Variants in PLPPR2 observed in about 807,000 individuals in gnomAD.
PLPPR2 encodes the protein phospholipid phosphatase related 2.
In PLPPR2, 11 loss-of-function variants were observed where a neutral mutation model predicts 40.3. That is an observed-to-expected ratio of 0.27 (90% CI 0.17 to 0.45). PLPPR2 has a LOEUF of 0.45. Among genes scored for constraint, PLPPR2 ranks in the 20% least tolerant of loss-of-function variants. The pLI is 1.00. For synonymous variants in PLPPR2, 260 were observed against 290.8 expected (o/e 0.89, Z 1.08); for missense variants, 497 against 640.7 (o/e 0.78, Z 2.42).
At chr19:11,358,353 G>A (rs935664634) in intron 3 of PLPPR2, among the ~76,000 whole-genome samples, 1 of 151,872 alleles carries the variant, frequency 6.6e-6, no homozygotes, top group African/African-American at 2.4e-5. Flanking sequence ...ACCACGCCCG[G>A]CCTCCTAGGG....
chr19:11,359,598 C>T lies in PLPPR2; in HGVS notation c.133C>T (p.His45Tyr). Residue 45 changes from histidine (H) to tyrosine (Y), a missense_variant, in exon 4 of 10, where the codon CAC (histidine) becomes TAC (tyrosine). Coordinates refer to ENST00000688289, the MANE Select transcript of PLPPR2 (RefSeq NM_001393892.1). This position sits in a 1 kb window ranked among gnomAD's most constrained non-coding sequence, Gnocchi z 5.6. ...RLEFTDTFPVHTQGFFCYDST... is the reference protein window; with the variant it reads ...RLEFTDTFPVYTQGFFCYDST... The stretch of plus-strand genomic sequence containing the variant: ...GGAGTTCACGGACACCTTCCCTGTG[C>T]ACACCCAGGGATTCTTCTGCTATGA... 1 of 1,610,866 alleles carries T rather than the reference C, an allele frequency of 6.2e-7. No homozygotes were observed. Among genetic ancestry groups the T allele is most frequent in the East Asian group, 2.2e-5 (1 of 44,794 alleles).
At chr19:11,358,064 C>A (rs149018993) in intron 3 of PLPPR2, among the ~76,000 whole-genome samples, 1 of 150,132 alleles carries the variant, frequency 6.7e-6, no homozygotes, top group African/African-American at 2.5e-5. Flanking sequence ...TGTGTGTGTA[C>A]GTGTGTTTGA....
rs1967975057 is a variant in PLPPR2 at position 11,359,150 on chromosome 19, A to G, written c.67-382A>G. On this transcript the variant is annotated intron_variant, in intron 3 of 9. Coordinates refer to ENST00000688289, the MANE Select transcript of PLPPR2 (RefSeq NM_001393892.1). This position sits in a 1 kb window ranked among gnomAD's most constrained non-coding sequence, Gnocchi z 5.6. The stretch of plus-strand genomic sequence containing the variant: ...CAGCCTTAATCCTCTGGGTGAAGCA[A>G]TCTTCCTTCCTCAGCCTCCCAAGTA... 6.6e-6 allele frequency among the ~76,000 whole-genome samples: 1 copy of G among 151,646 alleles called. No individual in the cohort carries two copies. Among genetic ancestry groups the G allele is most frequent in the South Asian group, 2.1e-4 (1 of 4,802 alleles).
chr19:11,364,648 C>A lies in PLPPR2; in HGVS notation c.1317C>A (p.Asn439Lys). The A allele has an allele frequency of 6.5e-7, 1 of 1,537,230 alleles. No homozygotes were observed. The highest frequency in any genetic ancestry group is 1.2e-5 in the South Asian group (1 of 84,062). Residue 439 changes from asparagine to lysine, a missense_variant, in exon 10 of 10, where the codon AAC becomes AAA. Asn to Lys is a moderately conservative substitution (Grantham distance 94). Coordinates refer to ENST00000688289, the MANE Select transcript of PLPPR2 (RefSeq NM_001393892.1). The surrounding 1 kb of genome is among the most constrained non-coding windows in gnomAD (Gnocchi z 5.8). ...ATCCCTCCCCCTTCCACCGGGACAACTTCAGCCCTTACCTGTTTGCCAGCC... is the reference window on the plus strand; with the variant it reads ...ATCCCTCCCCCTTCCACCGGGACAAATTCAGCCCTTACCTGTTTGCCAGCC... ...GLYPSPFHRDNFSPYLFASRD... is the reference protein window; with the variant it reads ...GLYPSPFHRDKFSPYLFASRD...
chr19:11,364,011 C>A lies in PLPPR2; in HGVS notation c.964-150C>A. On this transcript the variant is annotated intron_variant, in intron 8 of 9. Transcript: ENST00000688289. The surrounding 1 kb of genome is among the most constrained non-coding windows in gnomAD (Gnocchi z 5.8). Reference sequence around the variant, plus strand: ...GACAGCCCCAAAGAATGAAAGGGAGCACCCCCGTCTTCTTCCCAGGGGGAC... The same window carrying A: ...GACAGCCCCAAAGAATGAAAGGGAGAACCCCCGTCTTCTTCCCAGGGGGAC... 7.5e-7 allele frequency: 1 copy of A among 1,326,380 alleles called. No individual in the cohort carries two copies. Among genetic ancestry groups the A allele is most frequent in the Non-Finnish European group, 1.0e-6 (1 of 968,030 alleles). The allele number at this position is 1,326,380 out of a possible 1,614,324, so 82.2% of individuals were successfully genotyped here.
rs1039732838 is a variant in PLPPR2, at chr19:11,355,450, G to C, written c.-312G>C. On this transcript the variant is annotated 5_prime_UTR_variant, in exon 1 of 10. Transcript: ENST00000688289. The stretch of plus-strand genomic sequence containing the variant: ...CCTCGGAGTCTGCGCGGCGCGGCCA[G>C]GCCCGGCCGACCGCGTCTCGGTCTT... 2.0e-5 allele frequency: 3 copies of C among 152,470 alleles called. No homozygotes were observed. The highest frequency in any genetic ancestry group is 4.4e-5 in the Non-Finnish European group (3 of 68,102). 9.4% of individuals were successfully genotyped at this position (152,470 alleles called of 1,614,324 possible). A position where few individuals can be genotyped will look rare whatever the true frequency, so the allele number is the denominator to read the frequency against.
chr19:11,365,644 A>G lies in PLPPR2; in HGVS notation c.*954A>G, dbSNP rs1225666557. On this transcript the variant is annotated 3_prime_UTR_variant, in exon 10 of 10. Transcript: ENST00000688289. Reference sequence around the variant, plus strand: ...TGCCCCCCTTTCCTGCCCCCTCCTCATCTTTAATAAAGACCTGGCTTCTCA... The same window carrying G: ...TGCCCCCCTTTCCTGCCCCCTCCTCGTCTTTAATAAAGACCTGGCTTCTCA... 1 of 152,150 alleles carries G rather than the reference A, an allele frequency of 6.6e-6. No homozygotes were observed. Among genetic ancestry groups the G allele is most frequent in the East Asian group, 1.9e-4 (1 of 5,170 alleles). 9.4% of individuals were successfully genotyped at this position (152,150 alleles called of 1,614,324 possible).
Position 11,358,665 on chromosome 19 carries a change from CTGTTT to C in PLPPR2, c.67-865_67-861del, listed in dbSNP as rs1967959770. ...CTCCTTTCCTGGCTTTCCTCTCTCT[CTGTTT>C]TTTTTTTTTCACTTCTTCCTTTTCT... On this transcript the variant is annotated intron_variant, in intron 3 of 9. Transcript: ENST00000688289. Among the ~76,000 whole-genome samples the C allele has an allele frequency of 4.2e-5, 6 of 142,948 alleles. No homozygotes were observed. In the East Asian group the frequency reaches 1.3e-3, roughly 31 times the overall value. 93.8% of individuals were successfully genotyped at this position (142,948 alleles called of 152,430 possible). A position where few individuals can be genotyped will look rare whatever the true frequency, so the allele number is the denominator to read the frequency against.
intron 3 of PLPPR2, 47 bp downstream of exon 3, chr19:11,357,786 C>G (rs1967930960): frequency 6.7e-7 from 1 of 1,485,504 alleles, no homozygotes; most frequent in Non-Finnish European, 9.2e-7. Context: ...CTATCTCTGT[C>G]TCTGTCCAAC....
chr19:11,361,856 G>A lies in PLPPR2; in HGVS notation c.663+368G>A, dbSNP rs1416129097. ...ATGCTACAGGCGCTAGATATTAGCT[G>A]GCAGACTGGGCAGATGGGACGGCCC... is the stretch of plus-strand genomic sequence containing the variant. On this transcript the variant is annotated intron_variant, in intron 6 of 9. Transcript: ENST00000688289. This position sits in a 1 kb window ranked among gnomAD's most constrained non-coding sequence, Gnocchi z 6.3. 6.6e-6 allele frequency among the ~76,000 whole-genome samples: 1 copy of A among 151,956 alleles called. No homozygotes were observed. Among genetic ancestry groups the A allele is most frequent in the Non-Finnish European group, 1.5e-5 (1 of 68,010 alleles).
chr19:11,360,490 G>T (rs922654753), intron 5 of PLPPR2, among the ~76,000 whole-genome samples: 4 of 152,032 alleles, frequency 2.6e-5, no homozygotes, highest in African/African-American at 9.7e-5. Context: ...CCATGATGGG[G>T]ATGTTAGGAA....
Position 11,361,686 on chromosome 19 carries a change from G to A in PLPPR2, c.663+198G>A, listed in dbSNP as rs1193670845. Reference sequence around the variant, plus strand: ...GCCACGCCCCCAGTCAGAGGCTATCGCTGTCCATTGACTCCGCCCCTTGCC... The same window carrying A: ...GCCACGCCCCCAGTCAGAGGCTATCACTGTCCATTGACTCCGCCCCTTGCC... On this transcript the variant is annotated intron_variant, in intron 6 of 9. Coordinates refer to ENST00000688289, the MANE Select transcript of PLPPR2 (RefSeq NM_001393892.1). The surrounding 1 kb of genome is among the most constrained non-coding windows in gnomAD (Gnocchi z 6.3). Among the ~76,000 whole-genome samples, 2 of 151,930 alleles carry A rather than the reference G, an allele frequency of 1.3e-5. No individual in the cohort carries two copies. The highest frequency in any genetic ancestry group is 2.9e-5 in the Non-Finnish European group (2 of 67,936).
Position 11,359,772 on chromosome 19 carries a change from A to G in PLPPR2, c.256-49A>G, listed in dbSNP as rs766939262. 1 of 1,584,736 alleles carries G rather than the reference A, an allele frequency of 6.3e-7. No homozygotes were observed. The highest frequency in any genetic ancestry group is 1.1e-5 in the South Asian group (1 of 87,702). ...GCAGGTGGGCCGGTAAGGGTGGGTG[A>G]GGGGATGGGCTGGAAGGCCAGAAGA... On this transcript the variant is annotated intron_variant, in intron 4 of 9. Coordinates refer to ENST00000688289, the MANE Select transcript of PLPPR2 (RefSeq NM_001393892.1). The surrounding 1 kb of genome is among the most constrained non-coding windows in gnomAD (Gnocchi z 5.6).
At position 11,359,404 on chromosome 19, in the gene PLPPR2, C is replaced by T. The variant is rs1333865142; in HGVS notation, c.67-128C>T. 3.7e-6 allele frequency: 3 copies of T among 812,004 alleles called. No homozygotes were observed. The highest frequency in any genetic ancestry group is 5.4e-6 in the Non-Finnish European group (3 of 557,570). The allele number at this position is 812,004 out of a possible 1,614,324, so 50.3% of individuals were successfully genotyped here. A position where few individuals can be genotyped will look rare whatever the true frequency, so the allele number is the denominator to read the frequency against. On this transcript the variant is annotated intron_variant, in intron 3 of 9. Coordinates refer to ENST00000688289, the MANE Select transcript of PLPPR2 (RefSeq NM_001393892.1). This position sits in a 1 kb window ranked among gnomAD's most constrained non-coding sequence, Gnocchi z 5.6. ...CTCTCCCCCTTGTCTCTGTCTCTCT[C>T]CATCTTCTAGTTTCTGTCTCTAACC...
chr19:11,362,319 A>G lies in PLPPR2; in HGVS notation c.664-194A>G. Reference sequence around the variant, plus strand: ...CGAGACTCCAAGACCTCAATCCCTGACCCCCCCCCCTTTGCCTTTTTGGTC... The same window carrying G: ...CGAGACTCCAAGACCTCAATCCCTGGCCCCCCCCCCTTTGCCTTTTTGGTC... On this transcript the variant is annotated intron_variant, in intron 6 of 9. Coordinates refer to ENST00000688289, the MANE Select transcript of PLPPR2 (RefSeq NM_001393892.1). This position sits in a 1 kb window ranked among gnomAD's most constrained non-coding sequence, Gnocchi z 5.3. 1.4e-5 allele frequency: 5 copies of G among 345,472 alleles called. No homozygotes were observed. The highest frequency in any genetic ancestry group is 4.5e-5 in the Admixed American group (1 of 22,012). 21.4% of individuals were successfully genotyped at this position (345,472 alleles called of 1,614,324 possible).
rs1968108145 is a variant in PLPPR2 at position 11,363,567 on chromosome 19, A to G, written c.841-146A>G. On this transcript the variant is annotated intron_variant, in intron 7 of 9. Coordinates refer to ENST00000688289, the MANE Select transcript of PLPPR2 (RefSeq NM_001393892.1). The surrounding 1 kb of genome is among the most constrained non-coding windows in gnomAD (Gnocchi z 4.8). The stretch of plus-strand genomic sequence containing the variant: ...ATTGCACCTACCTCAGTAAAATGGA[A>G]CCAACAGTGCCTGGCACATACTATG... 1 of 903,796 alleles carries G rather than the reference A, an allele frequency of 1.1e-6. No homozygotes were observed. 56.0% of individuals were successfully genotyped at this position (903,796 alleles called of 1,614,324 possible).
Position 11,361,510 on chromosome 19 carries a change from G to C in PLPPR2, c.663+22G>C. 6.3e-7 allele frequency: 1 copy of C among 1,577,610 alleles called. No individual in the cohort carries two copies. The highest frequency in any genetic ancestry group is 8.6e-7 in the Non-Finnish European group (1 of 1,165,424). On this transcript the variant is annotated intron_variant, in intron 6 of 9. Coordinates refer to ENST00000688289, the MANE Select transcript of PLPPR2 (RefSeq NM_001393892.1). The surrounding 1 kb of genome is among the most constrained non-coding windows in gnomAD (Gnocchi z 6.3). Reference sequence around the variant, plus strand: ...AGCGGTGAGCTTCGGGAGCTTCGGGGTCGGAAATGGGTGTGCAGGCTGGAC... The same window carrying C: ...AGCGGTGAGCTTCGGGAGCTTCGGGCTCGGAAATGGGTGTGCAGGCTGGAC...
At position 11,364,993 on chromosome 19, in the gene PLPPR2, G is replaced by A. The variant is rs1254145613; in HGVS notation, c.*303G>A. 1 of 438,242 alleles carries A rather than the reference G, an allele frequency of 2.3e-6. No homozygotes were observed. The highest frequency in any genetic ancestry group is 2.1e-5 in the African/African-American group (1 of 48,276). The allele number at this position is 438,242 out of a possible 1,614,324, so 27.1% of individuals were successfully genotyped here. On this transcript the variant is annotated 3_prime_UTR_variant, in exon 10 of 10. Coordinates refer to ENST00000688289, the MANE Select transcript of PLPPR2 (RefSeq NM_001393892.1). This position sits in a 1 kb window ranked among gnomAD's most constrained non-coding sequence, Gnocchi z 5.8. ...CTGGTTCTCAGAATTTTAACCAAAA[G>A]GAGTTGGCTCCAACCAATGGGAGCC... is the stretch of plus-strand genomic sequence containing the variant.
Position 11,361,598 on chromosome 19 carries a change from G to C in PLPPR2, c.663+110G>C. On this transcript the variant is annotated intron_variant, in intron 6 of 9. Coordinates refer to ENST00000688289, the MANE Select transcript of PLPPR2 (RefSeq NM_001393892.1). The surrounding 1 kb of genome is among the most constrained non-coding windows in gnomAD (Gnocchi z 6.3). ...TCTGCTCTTCCACGCCCCGGGTGCTGTTGGAAGCTCTCGCTCCACGCCCCG... is the reference window on the plus strand; with the variant it reads ...TCTGCTCTTCCACGCCCCGGGTGCTCTTGGAAGCTCTCGCTCCACGCCCCG... The C allele has an allele frequency of 1.4e-6, 2 of 1,434,814 alleles. No individual in the cohort carries two copies. The highest frequency in any genetic ancestry group is 2.3e-5 in the East Asian group (1 of 42,596). 88.9% of individuals were successfully genotyped at this position (1,434,814 alleles called of 1,614,324 possible).
Sources: gnomAD v4.1 joint callset for allele counts (sites outside exome capture counted in the v4.1 genomes callset) on GRCh38, gnomAD v4.1.1 for gene constraint, Gnocchi (gnomAD v3.1) non-coding constraint, MANE v1.5 for transcripts, NCBI Gene and HGNC (gene_info 2026-07-23, HGNC 2026-07-21) for gene names.